The following NTRK2 variants were observed in gnomAD, a reference collection of about 807,000 sequenced individuals.
NTRK2 encodes neurotrophic receptor tyrosine kinase 2, also known as BDNF/NT-3 growth factors receptor.
NTRK2 carries 13 observed loss-of-function variants against 94.5 expected under a neutral mutation model. The observed-to-expected ratio is 0.14, with a 90% CI of 0.09 to 0.22. The LOEUF is 0.22. NTRK2 is among the 10% of genes least tolerant of loss of function. The probability of loss-of-function intolerance (pLI) is 1.00; values close to 1 mark genes in which losing one functional copy is unlikely to be tolerated. For missense variants in NTRK2, 639 were observed against 1,071.2 expected (o/e 0.60, Z 5.63); for synonymous variants, 372 against 407.4 (o/e 0.91, Z 1.05).
chr9:84,874,936 C>A (rs2076009872), intron 14 of NTRK2: 2 of 1,055,798 alleles, frequency 1.9e-6, no homozygotes, highest in South Asian at 9.1e-5. Context: ...GGATTGTCTT[C>A]CTCACCCAAA....
intron 14 of NTRK2, among the ~76,000 whole-genome samples, chr9:84,899,203 T>C (rs1408562183): frequency 6.6e-6 from 1 of 152,228 alleles, no homozygotes; most frequent in Non-Finnish European, 1.5e-5. Context: ...AAATATGTGT[T>C]TATTTAAAGA....
chr9:84,773,647 G>A (rs1385438073), intron 12 of NTRK2, among the ~76,000 whole-genome samples: 2 of 152,136 alleles, frequency 1.3e-5, no homozygotes, highest in Non-Finnish European at 2.9e-5. Flanking sequence ...GAAGTTCGCT[G>A]TAGGAAAATA....
intron 9 of NTRK2, among the ~76,000 whole-genome samples, chr9:84,732,248 G>A (rs2062942657): frequency 6.6e-6 from 1 of 152,170 alleles, no homozygotes; most frequent in African/African-American, 2.4e-5. Context: ...TTCAGTATGA[G>A]AGATCTTCCC....
chr9:85,022,915 C>A lies in NTRK2; in HGVS notation c.*1478C>A. Reference sequence around the variant, plus strand: ...AGGAAACCTCACCCTGAGGGCATCACATGCACTCATGTTCAGTGTACACAG... The same window carrying A: ...AGGAAACCTCACCCTGAGGGCATCAAATGCACTCATGTTCAGTGTACACAG... On this transcript the variant is annotated 3_prime_UTR_variant, in exon 19 of 19. Coordinates refer to ENST00000277120, the MANE Select transcript of NTRK2 (RefSeq NM_006180.6). 4.3e-6 allele frequency: 1 copy of A among 233,292 alleles called. No individual in the cohort carries two copies. The highest frequency in any genetic ancestry group is 8.5e-6 in the Non-Finnish European group (1 of 118,048). 14.5% of individuals were successfully genotyped at this position (233,292 alleles called of 1,614,324 possible).
chr9:84,915,263 A>G (rs1434716947), intron 14 of NTRK2, among the ~76,000 whole-genome samples: 2 of 152,044 alleles, frequency 1.3e-5, no homozygotes, highest in Non-Finnish European at 2.9e-5. Context: ...ATGTTACTCT[A>G]TGGTTTGTTT....
intron 6 of NTRK2, among the ~76,000 whole-genome samples, chr9:84,714,942 G>A (rs1026883734): frequency 2.0e-5 from 3 of 152,032 alleles, no homozygotes; most frequent in African/African-American, 7.3e-5. Context: ...GTTTGCAATT[G>A]GTACTATTTT....
intron 17 of NTRK2, among the ~76,000 whole-genome samples, chr9:84,958,633 A>G (rs1433345528): frequency 2.0e-5 from 3 of 152,200 alleles, no homozygotes; most frequent in Non-Finnish European, 4.4e-5. Flanking sequence ...ATGAGGGAAA[A>G]GAACCAGCCT....
intron 12 of NTRK2, among the ~76,000 whole-genome samples, chr9:84,808,199 A>G (rs757691167): frequency 2.6e-5 from 4 of 152,200 alleles, no homozygotes; most frequent in Non-Finnish European, 4.4e-5. Context: ...TAGAACCGTC[A>G]TCTGGCAAAG....
chr9:84,762,837 TTCCTC>T (rs1440558956), intron 12 of NTRK2, among the ~76,000 whole-genome samples: 1 of 152,182 alleles, frequency 6.6e-6, no homozygotes, highest in Admixed American at 6.6e-5. Flanking sequence ...GTCTCTCACT[TTCCTC>T]TCCCTTACTC....
At chr9:84,989,361 T>G (rs747524142) in intron 17 of NTRK2, among the ~76,000 whole-genome samples, 5 of 152,228 alleles carry the variant, frequency 3.3e-5, no homozygotes, top group Non-Finnish European at 7.3e-5. Flanking sequence ...ATATATTTAT[T>G]AACTAGATAT....
At position 84,814,622 on chromosome 9, in the gene NTRK2, G is replaced by A. The variant is rs200483608; in HGVS notation, c.1397-46418G>A. The A allele has an allele frequency of 1.2e-4, 126 of 1,065,486 alleles. No homozygotes were observed. In the South Asian group the frequency reaches 2.0e-3, roughly 17 times the overall value. The allele number at this position is 1,065,486 out of a possible 1,614,324, so 66.0% of individuals were successfully genotyped here. A position where few individuals can be genotyped will look rare whatever the true frequency, so the allele number is the denominator to read the frequency against. ...CTTCCTTTGCATGATTTACACCTCCGCCTGTTTTGGTGCTAGCTGTCTAGA... is the reference window on the plus strand; with the variant it reads ...CTTCCTTTGCATGATTTACACCTCCACCTGTTTTGGTGCTAGCTGTCTAGA... On this transcript the variant is annotated intron_variant, in intron 12 of 18. Transcript: ENST00000277120.
chr9:84,883,990 A>T (rs1245207922), intron 14 of NTRK2, among the ~76,000 whole-genome samples: 1 of 152,218 alleles, frequency 6.6e-6, no homozygotes, highest in Non-Finnish European at 1.5e-5. Context: ...AGATCATTTT[A>T]TTCCTCCTTG....
chr9:84,735,261 ACTT>A (rs2063173246), intron 9 of NTRK2, among the ~76,000 whole-genome samples: 2 of 152,256 alleles, frequency 1.3e-5, no homozygotes, highest in South Asian at 2.1e-4. Flanking sequence ...CTCTGGTAAA[ACTT>A]CTCAGTGAGT....
At chr9:85,013,672 A>C (rs980066875) in intron 17 of NTRK2, among the ~76,000 whole-genome samples, 31 of 152,354 alleles carry the variant, frequency 2.0e-4, no homozygotes, top group African/African-American at 7.5e-4. Flanking sequence ...ATGAATTTTT[A>C]AGGAACACAT....
chr9:84,922,215 A>C (rs763254825), intron 14 of NTRK2, among the ~76,000 whole-genome samples: 1 of 152,232 alleles, frequency 6.6e-6, no homozygotes, highest in Admixed American at 6.5e-5. Flanking sequence ...AAAGCCCAGC[A>C]TATGACTGGG....
At chr9:84,677,769 C>G (rs539328763) in intron 2 of NTRK2, among the ~76,000 whole-genome samples, 3 of 152,286 alleles carry the variant, frequency 2.0e-5, no homozygotes, top group African/African-American at 7.2e-5. Flanking sequence ...GATTAAACTT[C>G]ATGCAGTGGG....
intron 14 of NTRK2, among the ~76,000 whole-genome samples, chr9:84,917,391 G>A (rs1370576857): frequency 6.6e-6 from 1 of 152,168 alleles, no homozygotes; most frequent in Admixed American, 6.5e-5. Context: ...CCATAAGCAC[G>A]TGTGCAGTGG....
intron 17 of NTRK2, among the ~76,000 whole-genome samples, chr9:84,987,101 C>A (rs1828414310): frequency 1.3e-5 from 2 of 152,152 alleles, no homozygotes; most frequent in African/African-American, 4.8e-5. Context: ...GCATTTAAGA[C>A]CCAGGTTGAC....
intron 9 of NTRK2, among the ~76,000 whole-genome samples, chr9:84,740,907 G>C (rs1044707439): frequency 1.3e-5 from 2 of 152,164 alleles, no homozygotes; most frequent in Non-Finnish European, 2.9e-5. Context: ...TCCTGCTAAG[G>C]GTTCAGAAGT....
Sources: gnomAD v4.1 joint callset for allele counts (sites outside exome capture counted in the v4.1 genomes callset) on GRCh38, gnomAD v4.1.1 for gene constraint, MANE v1.5 for transcripts, NCBI Gene and HGNC (gene_info 2026-07-23, HGNC 2026-07-21) for gene names.